The following GALNTL6 variants were observed in gnomAD, a reference collection of about 807,000 sequenced individuals.
The protein encoded by GALNTL6 is polypeptide N-acetylgalactosaminyltransferase like 6.
A neutral mutation model predicts 73.7 loss-of-function variants in GALNTL6; 46 were observed. That is an observed-to-expected ratio of 0.62 (90% CI 0.49 to 0.80). The LOEUF is 0.80. Among genes scored for constraint, GALNTL6 ranks in the 30% least tolerant of loss-of-function variants. GALNTL6 has a pLI of 0.00. For synonymous variants in GALNTL6, 259 were observed against 263.7 expected (o/e 0.98, Z 0.17); for missense variants, 604 against 755.0 (o/e 0.80, Z 2.34).
At chr4:172,282,552 TAC>T (rs1260663688) in intron 3 of GALNTL6, among the ~76,000 whole-genome samples, 1 of 151,376 alleles carries the variant, frequency 6.6e-6, no homozygotes, top group Non-Finnish European at 1.5e-5. Flanking sequence ...AGAATTTGAG[TAC>T]AGACACCATG....
intron 2 of GALNTL6, among the ~76,000 whole-genome samples, chr4:172,090,015 T>C (rs927367628): frequency 6.6e-6 from 1 of 152,228 alleles, no homozygotes; most frequent in Non-Finnish European, 1.5e-5. Context: ...TCCATGTCCC[T>C]GCAAAGGATA....
intron 2 of GALNTL6, among the ~76,000 whole-genome samples, chr4:172,135,695 T>C (rs1315159730): frequency 6.6e-6 from 1 of 152,120 alleles, no homozygotes; most frequent in Non-Finnish European, 1.5e-5. Flanking sequence ...ATTTTTCAAA[T>C]CACTGAGAAA....
chr4:172,127,829 G>A lies in GALNTL6; in HGVS notation c.139-101827G>A, dbSNP rs139391398. Among the ~76,000 whole-genome samples the A allele has an allele frequency of 1.7e-4, 26 of 152,232 alleles. No homozygotes were observed. The East Asian group carries it at 2.7e-3, about 16-fold the overall frequency. On this transcript the variant is annotated intron_variant, in intron 2 of 12. Coordinates refer to ENST00000506823, the MANE Select transcript of GALNTL6 (RefSeq NM_001034845.3). ...ACATAAAAGTGTCTAAGGTCCGGGC[G>A]TGGTGGCTCAAGCCTGAAATCCCAG... is the stretch of plus-strand genomic sequence containing the variant.
intron 2 of GALNTL6, among the ~76,000 whole-genome samples, chr4:172,221,854 A>G (rs1438248118): frequency 1.3e-5 from 2 of 151,770 alleles, no homozygotes; most frequent in Non-Finnish European, 3.0e-5. Flanking sequence ...ACCACTGCTG[A>G]TTTCTTAACC....
intron 5 of GALNTL6, among the ~76,000 whole-genome samples, chr4:172,719,587 C>T (rs901772437): frequency 6.6e-6 from 1 of 152,100 alleles, no homozygotes. Context: ...GAATAGCATA[C>T]TTGACTCAGG....
chr4:172,218,713 A>G (rs563573349), intron 2 of GALNTL6, among the ~76,000 whole-genome samples: 5 of 152,128 alleles, frequency 3.3e-5, no homozygotes, highest in Non-Finnish European at 7.4e-5. Flanking sequence ...TTTATATAGG[A>G]TGGAGCTGAA....
intron 2 of GALNTL6, among the ~76,000 whole-genome samples, chr4:172,180,217 T>A (rs2110851050): frequency 6.6e-6 from 1 of 152,336 alleles, no homozygotes; most frequent in African/African-American, 2.4e-5. Context: ...CTTTTTTTCA[T>A]ACATTTGTTG....
At chr4:172,238,582 G>A (rs566731748) in intron 3 of GALNTL6, among the ~76,000 whole-genome samples, 32 of 150,804 alleles carry the variant, frequency 2.1e-4, no homozygotes, top group African/African-American at 7.5e-4. Flanking sequence ...CTATTTAGAT[G>A]CTTTTTATTT....
intron 2 of GALNTL6, among the ~76,000 whole-genome samples, chr4:172,043,712 A>G (rs544723141): frequency 1.3e-5 from 2 of 152,186 alleles, no homozygotes; most frequent in African/African-American, 4.8e-5. Flanking sequence ...ATTATCTAAC[A>G]TAAGGCAAAG....
intron 4 of GALNTL6, among the ~76,000 whole-genome samples, chr4:172,321,283 A>G (rs763918373): frequency 6.6e-6 from 1 of 152,166 alleles, no homozygotes; most frequent in Non-Finnish European, 1.5e-5. Flanking sequence ...CAGTTACTAA[A>G]AAAATAAACA....
At chr4:172,096,401 G>C (rs1732360153) in intron 2 of GALNTL6, among the ~76,000 whole-genome samples, 1 of 152,080 alleles carries the variant, frequency 6.6e-6, no homozygotes. Flanking sequence ...CTTGGCCTCT[G>C]TTTCTTTTTG....
chr4:172,360,760 G>T (rs1390064179), intron 5 of GALNTL6, among the ~76,000 whole-genome samples: 2 of 152,124 alleles, frequency 1.3e-5, no homozygotes, highest in African/African-American at 4.8e-5. Context: ...TACTGCTCTT[G>T]TTAGAAAATG....
intron 2 of GALNTL6, among the ~76,000 whole-genome samples, chr4:172,041,086 TG>T (rs1742076260): frequency 6.6e-6 from 1 of 152,124 alleles, no homozygotes; most frequent in African/African-American, 2.4e-5. Flanking sequence ...AATGTCTAAT[TG>T]TTTTTTTATT....
intron 7 of GALNTL6, among the ~76,000 whole-genome samples, chr4:172,878,059 G>A (rs1745281326): frequency 6.6e-6 from 1 of 151,954 alleles, no homozygotes; most frequent in Non-Finnish European, 1.5e-5. Flanking sequence ...TATATTTTAA[G>A]CGAAAGACTG....
At chr4:172,075,388 G>GC (rs1731669587) in intron 2 of GALNTL6, among the ~76,000 whole-genome samples, 1 of 152,080 alleles carries the variant, frequency 6.6e-6, no homozygotes, top group Non-Finnish European at 1.5e-5. Context: ...AGGCTGGAGT[G>GC]CAGTGGCGCG....
intron 10 of GALNTL6, among the ~76,000 whole-genome samples, chr4:172,961,607 G>A (rs559692376): frequency 2.0e-5 from 3 of 152,278 alleles, no homozygotes; most frequent in East Asian, 1.9e-4. Context: ...CGGGTAAAAC[G>A]TGTCTCCTTT....
intron 3 of GALNTL6, among the ~76,000 whole-genome samples, chr4:172,295,525 T>A (rs925789913): frequency 2.3e-4 from 31 of 134,778 alleles, no homozygotes; most frequent in African/African-American, 8.1e-4. Flanking sequence ...TCTTTTCTTT[T>A]TTTAGGTTTT....
chr4:172,594,827 T>A (rs1737790884), intron 5 of GALNTL6, among the ~76,000 whole-genome samples: 2 of 152,216 alleles, frequency 1.3e-5, no homozygotes, highest in South Asian at 4.1e-4. Context: ...GCCTATATAA[T>A]TATGCCTCTT....
At chr4:172,300,001 C>T (rs1739849670) in intron 3 of GALNTL6, among the ~76,000 whole-genome samples, 1 of 152,246 alleles carries the variant, frequency 6.6e-6, no homozygotes. Context: ...GTGTGGGAGT[C>T]TAAGTCTCTT....
Sources: gnomAD v4.1 joint callset for allele counts (sites outside exome capture counted in the v4.1 genomes callset) on GRCh38, gnomAD v4.1.1 for gene constraint, MANE v1.5 for transcripts, NCBI Gene and HGNC (gene_info 2026-07-23, HGNC 2026-07-21) for gene names.